Variants in SUMF1 observed in about 807,000 individuals in gnomAD.
The protein encoded by SUMF1 is sulfatase modifying factor 1.
A neutral mutation model predicts 47.6 loss-of-function variants in SUMF1; 48 were observed. The observed-to-expected ratio is 1.01, with a 90% CI of 0.80 to 1.28. SUMF1 has a LOEUF of 1.28. Ranked by LOEUF, SUMF1 falls within the 50% of genes most tolerant of loss-of-function variation. SUMF1 has a pLI of 0.00. For synonymous variants in SUMF1, 230 were observed against 192.1 expected (o/e 1.20, Z -1.63); for missense variants, 571 against 485.4 (o/e 1.18, Z -1.66).
chr3:4,197,827 T>C (rs1469670627), intron 8 of SUMF1, among the ~76,000 whole-genome samples: 1 of 152,112 alleles, frequency 6.6e-6, no homozygotes, highest in Non-Finnish European at 1.5e-5. Flanking sequence ...ATGAAGAAAG[T>C]GCCATTCTGC....
At chr3:4,050,778 G>GA (rs1695096569) in intron 9 of SUMF1, among the ~76,000 whole-genome samples, 1 of 144,958 alleles carries the variant, frequency 6.9e-6, no homozygotes, top group Non-Finnish European at 1.5e-5. Context: ...AAAGAAAAAA[G>GA]AAAAGAAAAA....
intron 8 of SUMF1, 34 bp from the exon 9 acceptor site, chr3:4,362,288 T>G (rs767131796): frequency 3.2e-6 from 5 of 1,582,092 alleles, no homozygotes; most frequent in African/African-American, 1.3e-5. Context: ...TAAGTGCTAC[T>G]GGGACTCTCA....
intron 1 of SUMF1, among the ~76,000 whole-genome samples, chr3:4,460,647 TAC>T (rs2079790284): frequency 6.8e-6 from 1 of 147,106 alleles, no homozygotes; most frequent in African/African-American, 2.5e-5. Context: ...TGTATATATA[TAC>T]ATATATATAT....
At chr3:4,202,675 G>C (rs1244383443) in intron 8 of SUMF1, among the ~76,000 whole-genome samples, 6 of 151,946 alleles carry the variant, frequency 3.9e-5, no homozygotes, top group Non-Finnish European at 7.4e-5. Context: ...GGATTGCATT[G>C]AATCTGTAGA....
chr3:4,245,395 T>C (rs1466302962), intron 8 of SUMF1, among the ~76,000 whole-genome samples: 1 of 152,182 alleles, frequency 6.6e-6, no homozygotes, highest in Non-Finnish European at 1.5e-5. Flanking sequence ...TGGTCTTTAA[T>C]GTTGGGACCT....
At chr3:4,253,581 C>T (rs1165357554) in intron 8 of SUMF1, among the ~76,000 whole-genome samples, 1 of 151,784 alleles carries the variant, frequency 6.6e-6, no homozygotes, top group Non-Finnish European at 1.5e-5. Context: ...CACCATGAGA[C>T]TATATCCCAC....
intron 3 of SUMF1, among the ~76,000 whole-genome samples, chr3:4,422,703 A>G (rs1331789474): frequency 6.6e-6 from 1 of 152,140 alleles, no homozygotes; most frequent in East Asian, 1.9e-4. Flanking sequence ...GCACAGCTTT[A>G]GTAGAGGCAA....
At chr3:4,165,552 G>A (rs1053362862) in intron 8 of SUMF1, among the ~76,000 whole-genome samples, 2 of 151,950 alleles carry the variant, frequency 1.3e-5, no homozygotes, top group Non-Finnish European at 2.9e-5. Context: ...GCATAGTTGT[G>A]GATTATCTTT....
At chr3:4,453,072 G>T in intron 1 of SUMF1, 23 bp from the exon 2 acceptor site, 1 of 1,604,720 alleles carries the variant, frequency 6.2e-7, no homozygotes. Flanking sequence ...GTGAAACACA[G>T]GAAGTCATGC....
At chr3:4,323,605 CAGA>C (rs2125119613) in intron 8 of SUMF1, among the ~76,000 whole-genome samples, 1 of 152,160 alleles carries the variant, frequency 6.6e-6, no homozygotes, top group African/African-American at 2.4e-5. Flanking sequence ...GGAGGAGCAG[CAGA>C]AGAATGAGGA....
At chr3:4,460,600 G>C (rs926124718) in intron 1 of SUMF1, among the ~76,000 whole-genome samples, 10 of 88,466 alleles carry the variant, frequency 1.1e-4, no homozygotes, top group Non-Finnish European at 1.8e-4. Context: ...CACACACACA[G>C]TGTGTGTGTG....
chr3:4,387,253 T>C (rs1011514344), intron 7 of SUMF1, among the ~76,000 whole-genome samples: 1 of 152,026 alleles, frequency 6.6e-6, no homozygotes, highest in African/African-American at 2.4e-5. Flanking sequence ...AGTTTTAAAA[T>C]TTCTAATTCT....
chr3:4,306,360 A>G (rs1440159658), intron 8 of SUMF1, among the ~76,000 whole-genome samples: 1 of 152,188 alleles, frequency 6.6e-6, no homozygotes. Context: ...GAGGTTTTCT[A>G]TTTCTCAAAG....
intron 3 of SUMF1, among the ~76,000 whole-genome samples, chr3:4,434,744 C>A (rs1211564802): frequency 6.6e-6 from 1 of 151,976 alleles, no homozygotes; most frequent in African/African-American, 2.4e-5. Flanking sequence ...AACAGAGTTG[C>A]AGAATGATCA....
chr3:4,404,592 G>A (rs912328753), intron 7 of SUMF1, among the ~76,000 whole-genome samples: 3 of 151,940 alleles, frequency 2.0e-5, no homozygotes, highest in East Asian at 1.9e-4. Context: ...ACCCCGTCTC[G>A]ACTGAAAATA....
chr3:4,093,222 C>T (rs890480803), intron 8 of SUMF1, among the ~76,000 whole-genome samples: 9 of 152,048 alleles, frequency 5.9e-5, no homozygotes, highest in African/African-American at 2.2e-4. Context: ...CAAGGTAATA[C>T]CTAGCACATA....
chr3:4,297,720 T>C (rs1373451679), intron 8 of SUMF1, among the ~76,000 whole-genome samples: 2 of 152,142 alleles, frequency 1.3e-5, no homozygotes, highest in Non-Finnish European at 2.9e-5. Context: ...TGATAGTTCT[T>C]ATTAGAAGGC....
At chr3:4,065,678 T>C (rs1421720096) in intron 9 of SUMF1, among the ~76,000 whole-genome samples, 1 of 152,092 alleles carries the variant, frequency 6.6e-6, no homozygotes, top group Admixed American at 6.6e-5. Flanking sequence ...TCATTTTGAG[T>C]GCCTATGGAG....
At chr3:4,079,677 C>T (rs1368817802) in intron 8 of SUMF1, among the ~76,000 whole-genome samples, 1 of 150,082 alleles carries the variant, frequency 6.7e-6, no homozygotes, top group Non-Finnish European at 1.5e-5. Context: ...ATGGAAAGTA[C>T]TTATTGGAAT....
Sources: gnomAD v4.1 joint callset for allele counts (sites outside exome capture counted in the v4.1 genomes callset) on GRCh38, gnomAD v4.1.1 for gene constraint, MANE v1.5 for transcripts, NCBI Gene and HGNC (gene_info 2026-07-23, HGNC 2026-07-21) for gene names.